The following SLAIN1 variants were observed in gnomAD, a reference collection of about 807,000 sequenced individuals.
SLAIN1 encodes the protein SLAIN family member 1.
SLAIN1 carries 17 observed loss-of-function variants against 55.4 expected under a neutral mutation model. That is an observed-to-expected ratio of 0.31 (90% CI 0.21 to 0.46). The LOEUF (loss-of-function observed/expected upper bound fraction) is 0.46, where lower values mean the gene tolerates loss of function less well. Among genes scored for constraint, SLAIN1 ranks in the 20% least tolerant of loss-of-function variants. SLAIN1 has a pLI of 1.00. For missense variants in SLAIN1, 682 were observed against 785.1 expected (o/e 0.87, Z 1.57); for synonymous variants, 348 against 337.4 (o/e 1.03, Z -0.35).
intron 4 of SLAIN1, among the ~76,000 whole-genome samples, chr13:77,748,296 A>G (rs1262860144): frequency 6.6e-6 from 1 of 151,744 alleles, no homozygotes; most frequent in Non-Finnish European, 1.5e-5. Flanking sequence ...TGACTAACAT[A>G]TTAAAGCTCA....
chr13:77,758,441 T>A (rs958357699), intron 5 of SLAIN1, among the ~76,000 whole-genome samples: 1 of 152,076 alleles, frequency 6.6e-6, no homozygotes, highest in Non-Finnish European at 1.5e-5. Flanking sequence ...TAGGTCCCAT[T>A]TATTTATTTT....
At chr13:77,705,793 A>C (rs1163916187) in intron 1 of SLAIN1, among the ~76,000 whole-genome samples, 5 of 151,698 alleles carry the variant, frequency 3.3e-5, no homozygotes, top group Non-Finnish European at 7.4e-5. Flanking sequence ...AATAACTGAG[A>C]CTTTTTTTTT....
Position 77,698,318 on chromosome 13 carries a change from G to C in SLAIN1, c.405G>C (p.Leu135=). The C allele has an allele frequency of 6.9e-7, 1 of 1,448,388 alleles. No homozygotes were observed. The highest frequency in any genetic ancestry group is 9.1e-7 in the Non-Finnish European group (1 of 1,102,700). The allele number at this position is 1,448,388 out of a possible 1,614,324, so 89.7% of individuals were successfully genotyped here. The change falls in exon 1 of 7, where the codon CTG becomes CTC. Residue 135 remains leucine (L), a synonymous_variant. Transcript: ENST00000418532. This position sits in a 1 kb window ranked among gnomAD's most constrained non-coding sequence, Gnocchi z 4.1. ...TFCLPSPAPS[L]LCSLAQPPEA... ...GCCTGCCTAGCCCCGCGCCCTCCCT[G>C]CTTTGCAGCCTGGCGCAGCCACCCG...
intron 1 of SLAIN1, among the ~76,000 whole-genome samples, chr13:77,706,020 G>C (rs552611108): frequency 2.0e-5 from 3 of 152,144 alleles, no homozygotes; most frequent in African/African-American, 7.2e-5. Flanking sequence ...TAACATGTTA[G>C]TAGTTTTCAA....
At chr13:77,752,162 A>G (rs1162378617) in intron 4 of SLAIN1, among the ~76,000 whole-genome samples, 3 of 152,074 alleles carry the variant, frequency 2.0e-5, no homozygotes, top group Admixed American at 6.6e-5. Context: ...CCAGAGATTA[A>G]TGTGGTCATG....
chr13:77,709,462 G>T (rs1182917373), intron 1 of SLAIN1, among the ~76,000 whole-genome samples: 1 of 152,188 alleles, frequency 6.6e-6, no homozygotes, highest in African/African-American at 2.4e-5. Flanking sequence ...AAAATTGTCA[G>T]ATTCACCAAG....
intron 1 of SLAIN1, among the ~76,000 whole-genome samples, chr13:77,713,702 C>T (rs2091176223): frequency 6.6e-6 from 1 of 152,102 alleles, no homozygotes; most frequent in Admixed American, 6.6e-5. Flanking sequence ...AATCATTCTA[C>T]TATAAAGACA....
chr13:77,698,696 G>A lies in SLAIN1; in HGVS notation c.626+157G>A, dbSNP rs1449845629. Among the ~76,000 whole-genome samples the A allele has an allele frequency of 6.6e-6, 1 of 152,180 alleles. No individual in the cohort carries two copies. The highest frequency in any genetic ancestry group is 1.5e-5 in the Non-Finnish European group (1 of 68,022). On this transcript the variant is annotated intron_variant, in intron 1 of 6. Transcript: ENST00000418532. This position sits in a 1 kb window ranked among gnomAD's most constrained non-coding sequence, Gnocchi z 4.1. ...CGACCCAGCAGGTGTTGAGCCAGGC[G>A]GTGACACTTCCCACGATGAGGCTTC...
chr13:77,763,064 T>C (rs570643272), intron 6 of SLAIN1, 81 bp from the exon 7 acceptor site: 2 of 1,178,586 alleles, frequency 1.7e-6, no homozygotes, highest in South Asian at 1.3e-5. Context: ...AGAACATAGA[T>C]GGGAGAGTAG....
rs373415913 is a variant in SLAIN1, at chr13:77,744,443, T to C, written c.916+11T>C. On this transcript the variant is annotated intron_variant, in intron 3 of 6. Coordinates refer to ENST00000418532, the MANE Select transcript of SLAIN1 (RefSeq NM_001242868.2). ...GTCTGCAAGAAGAAAGTATGTGTTC[T>C]TTCTAAACTAGCAAAATGAGGCTTC... The C allele has an allele frequency of 1.2e-5, 19 of 1,609,088 alleles. No individual in the cohort carries two copies. In the African/African-American group the frequency reaches 2.3e-4, roughly 19 times the overall value.
chr13:77,762,844 C>T (rs1875145766), intron 6 of SLAIN1, among the ~76,000 whole-genome samples: 1 of 152,148 alleles, frequency 6.6e-6, no homozygotes, highest in Admixed American at 6.6e-5. Context: ...TAGCCAGGAT[C>T]CTATATTTTT....
At chr13:77,719,751 C>G (rs1374600827) in intron 2 of SLAIN1, 80 bp downstream of exon 2, 1 of 1,503,600 alleles carries the variant, frequency 6.7e-7, no homozygotes, top group East Asian at 2.3e-5. Context: ...TTGGAATAAA[C>G]ATTTCAATTG....
At chr13:77,726,683 C>T (rs1415402955) in intron 2 of SLAIN1, among the ~76,000 whole-genome samples, 2 of 152,162 alleles carry the variant, frequency 1.3e-5, no homozygotes, top group Non-Finnish European at 2.9e-5. Context: ...CCTCCCTGTG[C>T]TGGGATTATA....
At chr13:77,706,696 C>G (rs568336476) in intron 1 of SLAIN1, among the ~76,000 whole-genome samples, 5 of 152,178 alleles carry the variant, frequency 3.3e-5, no homozygotes, top group African/African-American at 1.2e-4. Flanking sequence ...TTAGGTGGGG[C>G]ACAGCCTTCA....
intron 2 of SLAIN1, among the ~76,000 whole-genome samples, chr13:77,731,892 T>C (rs886878443): frequency 1.3e-5 from 2 of 152,112 alleles, no homozygotes; most frequent in African/African-American, 2.4e-5. Flanking sequence ...TGTAATTGTA[T>C]TGAAATTATG....
chr13:77,705,393 A>AT (rs2091079461), intron 1 of SLAIN1, among the ~76,000 whole-genome samples: 1 of 152,022 alleles, frequency 6.6e-6, no homozygotes, highest in Non-Finnish European at 1.5e-5. Flanking sequence ...TTTGAAATGT[A>AT]TATTTCAAAT....
intron 2 of SLAIN1, among the ~76,000 whole-genome samples, chr13:77,721,165 C>T (rs902568763): frequency 1.3e-5 from 2 of 152,110 alleles, no homozygotes; most frequent in African/African-American, 4.8e-5. Flanking sequence ...ATGCTGTTCT[C>T]ATGATAGGGA....
chr13:77,726,272 G>T (rs535128111), intron 2 of SLAIN1, among the ~76,000 whole-genome samples: 1 of 152,004 alleles, frequency 6.6e-6, no homozygotes, highest in Non-Finnish European at 1.5e-5. Context: ...TAAAAAATAC[G>T]TTGTCTTCAC....
intron 2 of SLAIN1, among the ~76,000 whole-genome samples, chr13:77,735,169 A>G (rs2154410119): frequency 6.6e-6 from 1 of 152,220 alleles, no homozygotes; most frequent in South Asian, 2.1e-4. Flanking sequence ...AAGCCTGTTT[A>G]TTTCTTCCTA....
Sources: gnomAD v4.1 joint callset for allele counts (sites outside exome capture counted in the v4.1 genomes callset) on GRCh38, gnomAD v4.1.1 for gene constraint, Gnocchi (gnomAD v3.1) non-coding constraint, MANE v1.5 for transcripts, NCBI Gene and HGNC (gene_info 2026-07-23, HGNC 2026-07-21) for gene names.